TDRD7: variants seen among roughly 807,000 people sequenced by gnomAD.
TDRD7 encodes the protein tudor domain containing 7.
TDRD7 carries 47 observed loss-of-function variants against 109.8 expected under a neutral mutation model. The observed-to-expected ratio is 0.43, with a 90% CI of 0.34 to 0.55. The LOEUF (loss-of-function observed/expected upper bound fraction) is 0.55. TDRD7 is among the 20% of genes least tolerant of loss of function. The pLI, the probability that TDRD7 is intolerant of heterozygous loss-of-function variation, is 0.03. For synonymous variants in TDRD7, 424 were observed against 457.3 expected (o/e 0.93, Z 0.93); for missense variants, 1,164 against 1,319.2 (o/e 0.88, Z 1.82).
At chr9:97,441,249 T>C (rs1345038224) in intron 5 of TDRD7, among the ~76,000 whole-genome samples, 3 of 152,212 alleles carry the variant, frequency 2.0e-5, no homozygotes, top group East Asian at 1.9e-4. Context: ...TAAGGAATTA[T>C]TCCTATGTTC....
Position 97,419,438 on chromosome 9 carries a change from A to G in TDRD7, c.-7+7200A>G, listed in dbSNP as rs77088213. Among the ~76,000 whole-genome samples, 1,020 of 152,368 alleles carry G rather than the reference A, an allele frequency of 6.7e-3. 7 individuals carry two copies. The highest frequency in any genetic ancestry group is 0.022 in the African/African-American group (931 of 41,580). ...TTCAGTGATCTTTGACTCATGAGTC[A>G]TGAACCATTGTTAAACTATTTTCCG... On this transcript the variant is annotated intron_variant, in intron 1 of 16. Transcript: ENST00000355295.
chr9:97,419,343 C>G (rs1311470509), intron 1 of TDRD7, among the ~76,000 whole-genome samples: 1 of 152,160 alleles, frequency 6.6e-6, no homozygotes, highest in East Asian at 1.9e-4. Flanking sequence ...TTAGTATGTC[C>G]TCTTGCAAAT....
At chr9:97,423,965 T>G (rs1368010789) in intron 1 of TDRD7, among the ~76,000 whole-genome samples, 1 of 151,960 alleles carries the variant, frequency 6.6e-6, no homozygotes, top group Non-Finnish European at 1.5e-5. Flanking sequence ...TTGAAAAGAA[T>G]GTATATTCTG....
chr9:97,473,874 C>G (rs1308445804), intron 11 of TDRD7, among the ~76,000 whole-genome samples: 1 of 152,180 alleles, frequency 6.6e-6, no homozygotes, highest in African/African-American at 2.4e-5. Flanking sequence ...GTCCTGAGGA[C>G]ACTGTGCCTG....
At chr9:97,433,327 A>G (rs1828136855) in intron 4 of TDRD7, among the ~76,000 whole-genome samples, 1 of 151,374 alleles carries the variant, frequency 6.6e-6, no homozygotes, top group South Asian at 2.1e-4. Context: ...ATTATTTATA[A>G]TTATTATAAT....
At chr9:97,415,314 T>C (rs1389080874) in intron 1 of TDRD7, among the ~76,000 whole-genome samples, 1 of 152,170 alleles carries the variant, frequency 6.6e-6, no homozygotes, top group Non-Finnish European at 1.5e-5. Context: ...CTAAAGGCCT[T>C]TGACACCAGT....
Position 97,482,856 on chromosome 9 carries a change from A to C in TDRD7, c.2420A>C (p.Lys807Thr). The stretch of plus-strand genomic sequence containing the variant: ...TTTTTGTGTTTTCCAAAGGTTACAA[A>C]AGTGGATGAAACCAGAGGGATCGCA... ...NCSDCSIKVTKVDETRGIAHV... is the reference protein window; with the variant it reads ...NCSDCSIKVTTVDETRGIAHV... Residue 807 changes from lysine to threonine, a missense_variant, in exon 15 of 17, where the codon AAA (lysine) becomes ACA (threonine). Physicochemically the swap from Lys to Thr is moderately conservative, Grantham distance 78. Coordinates refer to ENST00000355295, the MANE Select transcript of TDRD7 (RefSeq NM_014290.3). The C allele has an allele frequency of 6.2e-7, 1 of 1,614,082 alleles. No individual in the cohort carries two copies. Among genetic ancestry groups the C allele is most frequent in the Non-Finnish European group, 8.5e-7 (1 of 1,179,942 alleles).
chr9:97,457,426 T>C (rs1828637819), intron 6 of TDRD7, among the ~76,000 whole-genome samples: 1 of 152,110 alleles, frequency 6.6e-6, no homozygotes, highest in Admixed American at 6.5e-5. Flanking sequence ...TCACCTGGGC[T>C]GGCGTGCAAT....
Position 97,487,313 on chromosome 9 carries a change from A to T in TDRD7, c.3057A>T (p.Ala1019=). The T allele has an allele frequency of 6.2e-7, 1 of 1,613,974 alleles. No individual in the cohort carries two copies. The highest frequency in any genetic ancestry group is 8.5e-7 in the Non-Finnish European group (1 of 1,179,882). ...VDMFRKLPFQ[A]VTAQLAGVKC... is the part of the protein sequence containing the mutation. ...TGTTCCGAAAGCTGCCCTTCCAAGC[A>T]GTCACAGCTCAACTTGCAGGTAATT... The change falls in exon 16 of 17, where the codon GCA becomes GCT. Residue 1019 remains alanine, a synonymous_variant. Coordinates refer to ENST00000355295, the MANE Select transcript of TDRD7 (RefSeq NM_014290.3).
chr9:97,431,141 G>A, intron 3 of TDRD7, 67 bp downstream of exon 3: 1 of 1,596,456 alleles, frequency 6.3e-7, no homozygotes, highest in South Asian at 1.1e-5. Flanking sequence ...GGGAATTATG[G>A]AAATATTGTT....
At chr9:97,449,337 T>C (rs568334533) in intron 6 of TDRD7, among the ~76,000 whole-genome samples, 32 of 152,258 alleles carry the variant, frequency 2.1e-4, no homozygotes, top group East Asian at 1.3e-3. Context: ...GGGTGAAGGC[T>C]CAATCCCCAA....
At chr9:97,482,555 A>G (rs1240556332) in intron 14 of TDRD7, among the ~76,000 whole-genome samples, 2 of 152,222 alleles carry the variant, frequency 1.3e-5, no homozygotes, top group Admixed American at 6.5e-5. Context: ...TAATCATGAT[A>G]TATAGAATCC....
intron 4 of TDRD7, among the ~76,000 whole-genome samples, chr9:97,432,690 T>C (rs1447560756): frequency 6.6e-6 from 1 of 152,200 alleles, no homozygotes; most frequent in Non-Finnish European, 1.5e-5. Context: ...AGTCTTTGTT[T>C]GGGTGCTGCC....
intron 8 of TDRD7, among the ~76,000 whole-genome samples, chr9:97,467,086 C>G (rs1465053272): frequency 6.6e-6 from 1 of 152,148 alleles, no homozygotes; most frequent in African/African-American, 2.4e-5. Context: ...CTCCATTCCT[C>G]TGGGTCTCTA....
At chr9:97,482,504 CTACTTTAAGTGTTTCGAAATATCAT>C (rs1829132144) in intron 14 of TDRD7, among the ~76,000 whole-genome samples, 1 of 152,152 alleles carries the variant, frequency 6.6e-6, no homozygotes, top group African/African-American at 2.4e-5. Flanking sequence ...CTTATCATTT[CTACTTTAAGTGTTTCGAAATATCAT>C]TAATTTAAAC....
chr9:97,468,523 T>G (rs566255573), intron 8 of TDRD7, among the ~76,000 whole-genome samples: 5 of 152,222 alleles, frequency 3.3e-5, no homozygotes, highest in African/African-American at 4.8e-5. Context: ...CCACATCCCC[T>G]TGAAGCTGAC....
intron 15 of TDRD7, among the ~76,000 whole-genome samples, chr9:97,485,403 A>G (rs1829195198): frequency 6.6e-6 from 1 of 152,182 alleles, no homozygotes; most frequent in South Asian, 2.1e-4. Flanking sequence ...AAAGTTGAAA[A>G]CTAAATAGAA....
chr9:97,483,384 C>G, intron 15 of TDRD7, 33 bp downstream of exon 15: 3 of 1,609,284 alleles, frequency 1.9e-6, no homozygotes, highest in Non-Finnish European at 2.5e-6. Flanking sequence ...TTATTCTACT[C>G]CTAAGAAAAA....
intron 1 of TDRD7, among the ~76,000 whole-genome samples, chr9:97,420,848 A>G (rs532358643): frequency 1.4e-4 from 22 of 152,310 alleles, no homozygotes; most frequent in African/African-American, 5.3e-4. Flanking sequence ...GAAATTGTCA[A>G]ACTGGCCGGG....
Sources: gnomAD v4.1 joint callset for allele counts (sites outside exome capture counted in the v4.1 genomes callset) on GRCh38, gnomAD v4.1.1 for gene constraint, MANE v1.5 for transcripts, NCBI Gene and HGNC (gene_info 2026-07-23, HGNC 2026-07-21) for gene names.